AKAP8: variants seen among roughly 807,000 people sequenced by gnomAD.
The protein encoded by AKAP8 is A-kinase anchor protein 8.
AKAP8 carries 24 observed loss-of-function variants against 67.5 expected under a neutral mutation model. The ratio of observed to expected loss-of-function variants is 0.36; its 90% CI spans 0.26 to 0.50. The LOEUF is 0.50. AKAP8 is among the 20% of genes least tolerant of loss of function. The pLI is 0.97. For missense variants in AKAP8, 971 were observed against 955.9 expected, an observed-to-expected ratio of 1.02 and a Z score of -0.21; for synonymous variants, 400 against 371.1, an observed-to-expected ratio of 1.08 and a Z score of -0.90.
At position 15,355,150 on chromosome 19, in the gene AKAP8, G is replaced by A. The variant is rs1045858384; in HGVS notation, c.1844C>T (p.Ala615Val). The stretch of plus-strand genomic sequence containing the variant: ...CTGTTCGGCTTGAGGATCACTACCG[G>A]CCTCCGCTGTGTCCGTGGGGCCTTC... ...EDEGPTDTAE[A>V]GSDPQAEQLL... The change falls in exon 14 of 14, where the codon GCC becomes GTC. Residue 615 changes from alanine (A) to valine (V), a missense_variant. This residue lies in a region of AKAP8 where 204 missense variants were observed against 193.0 expected (regional missense o/e 1.06). Coordinates refer to ENST00000269701, the MANE Select transcript of AKAP8 (RefSeq NM_005858.4). 6.2e-7 allele frequency: 1 copy of A among 1,613,008 alleles called. No homozygotes were observed. The highest frequency in any genetic ancestry group is 8.5e-7 in the Non-Finnish European group (1 of 1,180,028).
chr19:15,359,082 T>C lies in AKAP8; in HGVS notation c.1528-20A>G, dbSNP rs772322243. On this transcript the variant is annotated intron_variant, in intron 12 of 13. Coordinates refer to ENST00000269701, the MANE Select transcript of AKAP8 (RefSeq NM_005858.4). ...AGCCAACTGCAAAGGGAACCAAATGTGAGCTCTTAAAAATGGCAAAGATTA... is the reference window on the plus strand; with the variant it reads ...AGCCAACTGCAAAGGGAACCAAATGCGAGCTCTTAAAAATGGCAAAGATTA... The C allele has an allele frequency of 1.7e-5, 27 of 1,607,560 alleles. 1 individual carries two copies. The South Asian group carries it at 2.4e-4, about 14-fold the overall frequency.
In AKAP8 at chr19:15,370,634, T is replaced by A. The variant is rs866511529; in HGVS notation, c.1039-455A>T. Among the ~76,000 whole-genome samples the A allele has an allele frequency of 3.5e-4, 49 of 139,460 alleles. 2 individuals are homozygous for A. The highest frequency in any genetic ancestry group is 3.5e-3 in the Middle Eastern group (1 of 286). 91.5% of individuals were successfully genotyped at this position (139,460 alleles called of 152,430 possible). On this transcript the variant is annotated intron_variant, in intron 7 of 13. Transcript: ENST00000269701. ...TATATTTACCCAATGTCTTTTTTTTTTTTTTTTTTTTTTTTGAGACGGAGT... is the reference window on the plus strand; with the variant it reads ...TATATTTACCCAATGTCTTTTTTTTATTTTTTTTTTTTTTTGAGACGGAGT...
intron 1 of AKAP8, chr19:15,378,920 T>A (rs1287292552): frequency 2.0e-5 from 3 of 152,868 alleles, no homozygotes; most frequent in Non-Finnish European, 4.4e-5. Context: ...CCTCGGCCCC[T>A]CCAGGCCACC....
Position 15,360,999 on chromosome 19 carries a change from T to C in AKAP8, c.1397-21A>G, listed in dbSNP as rs777781597. The C allele has an allele frequency of 1.1e-5, 18 of 1,609,668 alleles. No homozygotes were observed. The South Asian group carries it at 1.8e-4, about 16-fold the overall frequency. ...AATCCCTGCCAGGAAACGCATGTCT[T>C]GTAGGATCTGGGACAGCAAGTGATG... On this transcript the variant is annotated intron_variant, in intron 11 of 13. Transcript: ENST00000269701.
Position 15,373,974 on chromosome 19 carries a change from G to A in AKAP8, c.183C>T (p.Ala61=). 6.2e-7 allele frequency: 1 copy of A among 1,613,478 alleles called. No individual in the cohort carries two copies. Among genetic ancestry groups the A allele is most frequent in the Non-Finnish European group, 8.5e-7 (1 of 1,179,780 alleles). The change falls in exon 4 of 14, where the codon GCC becomes GCT. Residue 61 remains alanine (A), a synonymous_variant. Transcript: ENST00000269701. The part of the protein sequence containing the change: ...YSYGPASWEA[A]KANDGGLAAG... ...CCGCCAGGCCGCCATCATTGGCCTT[G>A]GCGGCCTCCCACGAGGCTGGGCCGT... is the stretch of plus-strand genomic sequence containing the variant.
chr19:15,374,193 A>T (rs912456712), intron 3 of AKAP8, 128 bp from the exon 4 acceptor site: 3 of 1,132,748 alleles, frequency 2.6e-6, no homozygotes, highest in Non-Finnish European at 3.7e-6. Context: ...TGCTGCTGGC[A>T]TCACTTCACA....
chr19:15,373,485 GACCAAC>G, intron 4 of AKAP8, 145 bp from the exon 5 acceptor site: 1 of 1,248,706 alleles, frequency 8.0e-7, no homozygotes. Context: ...GACCAAAACT[GACCAAC>G]ACCCTCCCTG....
At chr19:15,376,026 C>A (rs1967246745) in intron 2 of AKAP8, among the ~76,000 whole-genome samples, 1 of 151,690 alleles carries the variant, frequency 6.6e-6, no homozygotes. Flanking sequence ...ACCTCCTGGG[C>A]TCAAGCAATC....
At chr19:15,368,155 G>C in intron 9 of AKAP8, 80 bp downstream of exon 9, 1 of 1,566,858 alleles carries the variant, frequency 6.4e-7, no homozygotes, top group Admixed American at 1.7e-5. Flanking sequence ...CAGCATTGTG[G>C]AGCGAGGACA....
intron 11 of AKAP8, 70 bp downstream of exon 11, chr19:15,361,659 A>C (rs1166799859): frequency 1.4e-6 from 2 of 1,437,902 alleles, no homozygotes; most frequent in East Asian, 4.6e-5. Context: ...GCCTCGTGCC[A>C]CGTTTTACGG....
At chr19:15,370,921 C>T (rs1180060747) in intron 7 of AKAP8, among the ~76,000 whole-genome samples, 4 of 152,198 alleles carry the variant, frequency 2.6e-5, no homozygotes, top group African/African-American at 4.8e-5. Context: ...TGAGCCACCG[C>T]GCCAGGCCTA....
At chr19:15,361,333 G>T in intron 11 of AKAP8, 1 of 232,798 alleles carries the variant, frequency 4.3e-6, no homozygotes, top group African/African-American at 2.3e-5. Context: ...AGCCAACTTG[G>T]GCTGGCTTCA....
chr19:15,379,402 G>A (rs1967327886), intron 1 of AKAP8: 3 of 364,372 alleles, frequency 8.2e-6, no homozygotes, highest in South Asian at 8.9e-5. Context: ...GAAGGACTCC[G>A]CCGAAGGTGA....
chr19:15,366,758 C>T (rs533687591), intron 9 of AKAP8, among the ~76,000 whole-genome samples: 11 of 150,794 alleles, frequency 7.3e-5, no homozygotes, highest in South Asian at 2.1e-4. Flanking sequence ...TACAGGCATG[C>T]GCCACCATGC....
chr19:15,373,732 G>C, intron 4 of AKAP8, 54 bp downstream of exon 4: 1 of 1,548,216 alleles, frequency 6.5e-7, no homozygotes, highest in Non-Finnish European at 8.7e-7. Flanking sequence ...ACTCCCATGC[G>C]CACAAAGGTG....
chr19:15,361,071 C>G, intron 11 of AKAP8, 93 bp from the exon 12 acceptor site: 1 of 1,491,548 alleles, frequency 6.7e-7, no homozygotes, highest in Non-Finnish European at 9.0e-7. Flanking sequence ...CCCTGCAACT[C>G]TAAGGAATCA....
At chr19:15,368,739 T>A (rs1367124228) in intron 8 of AKAP8, 2 of 985,336 alleles carry the variant, frequency 2.0e-6, no homozygotes, top group Non-Finnish European at 2.4e-6. Context: ...GTGAAGCAGC[T>A]GCTCCGCCGC....
At position 15,362,484 on chromosome 19, in the gene AKAP8, ACTGC is replaced by A. The variant is rs551115787; in HGVS notation, c.1161-237_1161-234del. 2.1e-3 allele frequency among the ~76,000 whole-genome samples: 325 copies of A among 151,592 alleles called. 1 individual carries two copies. The highest frequency in any genetic ancestry group is 3.5e-3 in the Non-Finnish European group (237 of 67,888). On this transcript the variant is annotated intron_variant, in intron 9 of 13. Coordinates refer to ENST00000269701, the MANE Select transcript of AKAP8 (RefSeq NM_005858.4). ...CTGATTCTCCTGCCTCAGCCTGCCT[ACTGC>A]CTGCGATTGCAGGCGCGCGCCGCCA...
intron 2 of AKAP8, 28 bp downstream of exon 2, chr19:15,376,948 C>T (rs764674350): frequency 5.6e-6 from 9 of 1,606,974 alleles, no homozygotes; most frequent in Non-Finnish European, 7.6e-6. Flanking sequence ...GAAGCCCACG[C>T]CTCACCCGCA....
Sources: allele counts gnomAD v4.1 joint callset (sites outside exome capture counted in the v4.1 genomes callset), GRCh38; gene constraint gnomAD v4.1.1; regional missense constraint gnomAD v4.1.1; transcripts MANE v1.5; gene names NCBI Gene and HGNC (gene_info 2026-07-23, HGNC 2026-07-21).